Variants in HS2ST1 observed in about 807,000 individuals in gnomAD.
The protein encoded by HS2ST1 is 2-O-sulfotransferase.
HS2ST1 carries 18 observed loss-of-function variants against 42.9 expected under a neutral mutation model. The observed-to-expected ratio is 0.42, with a 90% CI of 0.29 to 0.62. The LOEUF (loss-of-function observed/expected upper bound fraction) is 0.62. HS2ST1 is among the 20% of genes least tolerant of loss of function. HS2ST1 has a pLI of 0.21. For missense variants in HS2ST1, 334 were observed against 433.8 expected (o/e 0.77, Z 2.04); for synonymous variants, 146 against 152.9 (o/e 0.95, Z 0.33).
intron 1 of HS2ST1, among the ~76,000 whole-genome samples, chr1:86,934,215 G>A (rs902218332): frequency 5.9e-5 from 9 of 152,200 alleles, no homozygotes; most frequent in Non-Finnish European, 8.8e-5. Flanking sequence ...AACCTCGGAT[G>A]AGGGGAGGCT....
At chr1:87,096,118 A>G (rs1050305366) in intron 4 of HS2ST1, among the ~76,000 whole-genome samples, 24 of 152,128 alleles carry the variant, frequency 1.6e-4, no homozygotes, top group Admixed American at 1.5e-3. Context: ...ACACAGATAT[A>G]TAATTAGAAA....
intron 1 of HS2ST1, among the ~76,000 whole-genome samples, chr1:86,947,358 G>A (rs1647372280): frequency 6.6e-6 from 1 of 152,190 alleles, no homozygotes; most frequent in Non-Finnish European, 1.5e-5. Flanking sequence ...AATGAAATAT[G>A]TTCAGAAATT....
At chr1:87,045,949 G>A (rs981990294) in intron 1 of HS2ST1, 24 of 718,418 alleles carry the variant, frequency 3.3e-5, no homozygotes, top group Middle Eastern at 2.6e-4. Context: ...TACTATTGAT[G>A]TCAGCAACCT....
intron 1 of HS2ST1, among the ~76,000 whole-genome samples, chr1:86,964,696 C>CT (rs1204014430): frequency 2.6e-5 from 4 of 152,184 alleles, no homozygotes; most frequent in Non-Finnish European, 5.9e-5. Flanking sequence ...AGCTAAATAT[C>CT]TTTAAGAATA....
At chr1:86,966,689 C>T (rs1351925000) in intron 1 of HS2ST1, among the ~76,000 whole-genome samples, 2 of 152,198 alleles carry the variant, frequency 1.3e-5, no homozygotes, top group Non-Finnish European at 2.9e-5. Context: ...ATGATCCTAA[C>T]CATTGAAACC....
chr1:87,004,335 G>A (rs1398436329), intron 1 of HS2ST1, among the ~76,000 whole-genome samples: 1 of 152,128 alleles, frequency 6.6e-6, no homozygotes, highest in East Asian at 1.9e-4. Flanking sequence ...AGGTTGCAGC[G>A]AGCCGAGATC....
At chr1:87,018,050 A>T (rs969534615) in intron 1 of HS2ST1, among the ~76,000 whole-genome samples, 1 of 152,062 alleles carries the variant, frequency 6.6e-6, no homozygotes, top group Non-Finnish European at 1.5e-5. Context: ...GGTAAAACAT[A>T]GCAGTTTGGA....
chr1:87,097,231 T>C (rs1366822504), intron 4 of HS2ST1, among the ~76,000 whole-genome samples: 2 of 152,214 alleles, frequency 1.3e-5, no homozygotes, highest in African/African-American at 4.8e-5. Flanking sequence ...AAGTTTTCAC[T>C]GTAGTTGGAA....
In HS2ST1 at chr1:86,964,036, G is replaced by A. The variant is rs574028783; in HGVS notation, c.124+48876G>A. On this transcript the variant is annotated intron_variant, in intron 1 of 6. Coordinates refer to ENST00000370550, the MANE Select transcript of HS2ST1 (RefSeq NM_012262.4). ...CAGAGACGCTCCTCACCTCCCAGAC[G>A]GGGTCGCGGCCGGGCAGAGGCGCTC... Among the ~76,000 whole-genome samples the A allele has an allele frequency of 4.9e-3, 746 of 152,052 alleles. 5 individuals are homozygous for A. The highest frequency in any genetic ancestry group is 9.5e-3 in the Non-Finnish European group (645 of 67,934).
At chr1:87,092,142 A>G (rs1399579644) in intron 3 of HS2ST1, among the ~76,000 whole-genome samples, 1 of 152,082 alleles carries the variant, frequency 6.6e-6, no homozygotes, top group Non-Finnish European at 1.5e-5. Context: ...TTGCTTAAAA[A>G]TTATAAATAT....
chr1:86,973,157 C>A (rs1334038370), intron 1 of HS2ST1, among the ~76,000 whole-genome samples: 1 of 151,828 alleles, frequency 6.6e-6, no homozygotes, highest in Non-Finnish European at 1.5e-5. Context: ...TGAGACTATG[C>A]AGATAAAATC....
chr1:87,097,610 T>C (rs1652099478), intron 4 of HS2ST1, among the ~76,000 whole-genome samples: 2 of 152,156 alleles, frequency 1.3e-5, no homozygotes, highest in Admixed American at 1.3e-4. Flanking sequence ...ACTAGGACGG[T>C]CTCGATTTCT....
chr1:87,001,150 A>G (rs1023295795), intron 1 of HS2ST1, among the ~76,000 whole-genome samples: 6 of 152,324 alleles, frequency 3.9e-5, no homozygotes, highest in African/African-American at 1.2e-4. Flanking sequence ...TTTTTCCAAA[A>G]TGCCAAAATG....
intron 3 of HS2ST1, among the ~76,000 whole-genome samples, chr1:87,091,413 A>G (rs933632535): frequency 1.3e-5 from 2 of 152,066 alleles, no homozygotes; most frequent in Non-Finnish European, 2.9e-5. Flanking sequence ...GACATAAGGT[A>G]AAAGAATCCT....
chr1:87,026,538 T>C (rs1650089196), intron 1 of HS2ST1, among the ~76,000 whole-genome samples: 2 of 152,204 alleles, frequency 1.3e-5, no homozygotes, highest in African/African-American at 2.4e-5. Flanking sequence ...TTGGTTATAG[T>C]TTTTGTTAAA....
chr1:87,076,873 T>C (rs1216245226), intron 2 of HS2ST1, among the ~76,000 whole-genome samples: 1 of 152,240 alleles, frequency 6.6e-6, no homozygotes, highest in Non-Finnish European at 1.5e-5. Context: ...GAATTTGTAT[T>C]CTCTGAAGAA....
chr1:86,925,197 G>T (rs563980653), intron 1 of HS2ST1, among the ~76,000 whole-genome samples: 6 of 152,148 alleles, frequency 3.9e-5, no homozygotes, highest in Non-Finnish European at 8.8e-5. Flanking sequence ...CAAATTCCTT[G>T]TCTCCATCTG....
rs538780071 is a variant in HS2ST1, at chr1:86,918,213, TA to T, written c.124+3064del. 1.4e-3 allele frequency among the ~76,000 whole-genome samples: 208 copies of T among 147,746 alleles called. 1 individual carries two copies. Among genetic ancestry groups the T allele is most frequent in the Non-Finnish European group, 2.2e-3 (148 of 66,544 alleles). Reference sequence around the variant, plus strand: ...GGGAAATTCACTAATTAGGAATTCCTAAAAAAAAAAATTCAGTAATACAGCT... The same window carrying T: ...GGGAAATTCACTAATTAGGAATTCCTAAAAAAAAAATTCAGTAATACAGCT... On this transcript the variant is annotated intron_variant, in intron 1 of 6. Coordinates refer to ENST00000370550, the MANE Select transcript of HS2ST1 (RefSeq NM_012262.4).
intron 1 of HS2ST1, among the ~76,000 whole-genome samples, chr1:87,042,866 C>T (rs1650556455): frequency 6.6e-6 from 1 of 152,050 alleles, no homozygotes; most frequent in Non-Finnish European, 1.5e-5. Flanking sequence ...TAGGAATTTA[C>T]TTTTCTGACT....
Sources: allele counts gnomAD v4.1 joint callset (sites outside exome capture counted in the v4.1 genomes callset), GRCh38; gene constraint gnomAD v4.1.1; transcripts MANE v1.5; gene names NCBI Gene and HGNC (gene_info 2026-07-23, HGNC 2026-07-21).